Variants in ANAPC10 observed in about 807,000 individuals in gnomAD.
The protein encoded by ANAPC10 is anaphase-promoting complex subunit 10.
ANAPC10 carries 12 observed loss-of-function variants against 22.0 expected under a neutral mutation model. The ratio of observed to expected loss-of-function variants is 0.55; its 90% CI spans 0.35 to 0.88. ANAPC10 has a LOEUF of 0.88. Among genes scored for constraint, ANAPC10 ranks in the 40% least tolerant of loss-of-function variants. The pLI, the probability that ANAPC10 is intolerant of heterozygous loss-of-function variation, is 0.01. For missense variants in ANAPC10, 188 were observed against 220.9 expected (o/e 0.85, Z 0.94); for synonymous variants, 65 against 69.5 (o/e 0.94, Z 0.32).
chr4:145,094,255 C>A (rs1748148417), intron 2 of ANAPC10, among the ~76,000 whole-genome samples: 1 of 152,108 alleles, frequency 6.6e-6, no homozygotes, highest in African/African-American at 2.4e-5. Context: ...AAGCTACATA[C>A]AGTATTTATA....
At chr4:145,010,704 TAGGA>T (rs1327108295) in intron 4 of ANAPC10, among the ~76,000 whole-genome samples, 12 of 151,842 alleles carry the variant, frequency 7.9e-5, no homozygotes, top group Non-Finnish European at 1.5e-5. Flanking sequence ...GGGATAGCAT[TAGGA>T]GATATACCTA....
intron 4 of ANAPC10, among the ~76,000 whole-genome samples, chr4:144,998,399 A>G (rs1282443428): frequency 6.6e-6 from 1 of 152,102 alleles, no homozygotes; most frequent in Non-Finnish European, 1.5e-5. Flanking sequence ...CCACAGTGCA[A>G]TCAAATTCAC....
intron 4 of ANAPC10, chr4:145,035,455 G>A (rs1389099564): frequency 6.6e-6 from 1 of 152,128 alleles, no homozygotes; most frequent in Non-Finnish European, 1.5e-5. Context: ...CATATACATT[G>A]TCATTATCTA....
At chr4:145,059,851 TAAAAAAA>T (rs34293470) in intron 4 of ANAPC10, among the ~76,000 whole-genome samples, 23 of 149,468 alleles carry the variant, frequency 1.5e-4, no homozygotes. Flanking sequence ...CTCTAAATGA[TAAAAAAA>T]AAATCTCACA....
chr4:145,052,163 T>A (rs1269531936), intron 4 of ANAPC10, among the ~76,000 whole-genome samples: 1 of 152,092 alleles, frequency 6.6e-6, no homozygotes. Context: ...CGGTGAGGCA[T>A]AAGAAATAAG....
intron 1 of ANAPC10, chr4:145,097,659 G>C: frequency 1.6e-6 from 1 of 610,484 alleles, no homozygotes; most frequent in Non-Finnish European, 2.7e-6. Context: ...CAGATGAATA[G>C]GTTCAGTTAT....
At chr4:145,000,811 T>C (rs921470823) in intron 4 of ANAPC10, among the ~76,000 whole-genome samples, 12 of 152,174 alleles carry the variant, frequency 7.9e-5, no homozygotes, top group African/African-American at 2.9e-4. Context: ...CCATCAGTGA[T>C]AGACTGGATT....
chr4:145,051,924 A>G (rs1741161097), intron 4 of ANAPC10, among the ~76,000 whole-genome samples: 1 of 152,170 alleles, frequency 6.6e-6, no homozygotes, highest in Non-Finnish European at 1.5e-5. Flanking sequence ...AGGATTTCAC[A>G]TAGTCTGATT....
chr4:145,006,654 T>C (rs1028575066), intron 4 of ANAPC10, among the ~76,000 whole-genome samples: 1 of 152,166 alleles, frequency 6.6e-6, no homozygotes, highest in African/African-American at 2.4e-5. Context: ...TATTTCTGTA[T>C]AATTGTTATA....
chr4:145,097,599 G>T, intron 1 of ANAPC10: 4 of 1,204,482 alleles, frequency 3.3e-6, no homozygotes, highest in South Asian at 1.3e-5. Context: ...GTAAACTTTG[G>T]CAAGGCCTGA....
intron 3 of ANAPC10, among the ~76,000 whole-genome samples, chr4:145,073,851 T>TA (rs763021506): frequency 9.9e-5 from 15 of 152,126 alleles, no homozygotes; most frequent in East Asian, 5.8e-4. Context: ...ATTACCATGA[T>TA]AAAAATAGCA....
intron 4 of ANAPC10, among the ~76,000 whole-genome samples, chr4:145,062,411 A>G (rs991648245): frequency 6.6e-6 from 1 of 151,786 alleles, no homozygotes; most frequent in African/African-American, 2.4e-5. Context: ...TTCGAGACCA[A>G]CCTGGCCAAA....
At chr4:145,034,469 C>A (rs924934664) in intron 4 of ANAPC10, among the ~76,000 whole-genome samples, 1 of 148,614 alleles carries the variant, frequency 6.7e-6, no homozygotes, top group African/African-American at 2.5e-5. Flanking sequence ...AGCTTGCAGA[C>A]AGCCTATTGT....
intron 4 of ANAPC10, chr4:145,053,621 A>C: frequency 2.3e-6 from 1 of 429,272 alleles, no homozygotes; most frequent in Non-Finnish European, 4.1e-6. Context: ...ATATCTACAA[A>C]TCCTTGTAGG....
At chr4:145,007,871 A>G (rs1399528330) in intron 4 of ANAPC10, among the ~76,000 whole-genome samples, 1 of 87,288 alleles carries the variant, frequency 1.1e-5, no homozygotes, top group Non-Finnish European at 2.0e-5. Context: ...AACCCTTCAA[A>G]AAAAAAAAAA....
chr4:145,026,329 CAA>C (rs1736651397), intron 4 of ANAPC10, among the ~76,000 whole-genome samples: 1 of 152,064 alleles, frequency 6.6e-6, no homozygotes, highest in African/African-American at 2.4e-5. Flanking sequence ...AGAACAACAA[CAA>C]AATCCCTGTT....
chr4:145,073,140 T>C (rs1744718424), intron 3 of ANAPC10, among the ~76,000 whole-genome samples: 1 of 152,198 alleles, frequency 6.6e-6, no homozygotes, highest in Non-Finnish European at 1.5e-5. Flanking sequence ...ACAATCCTCC[T>C]ACCTCAGCCT....
intron 3 of ANAPC10, among the ~76,000 whole-genome samples, chr4:145,072,334 AC>A (rs957402429): frequency 2.0e-5 from 3 of 152,188 alleles, no homozygotes; most frequent in Non-Finnish European, 4.4e-5. Context: ...ATATATGTTC[AC>A]CTTAACAGAT....
intron 3 of ANAPC10, among the ~76,000 whole-genome samples, chr4:145,075,714 T>G (rs1490762807): frequency 6.6e-6 from 1 of 152,118 alleles, no homozygotes; most frequent in Admixed American, 6.5e-5. Flanking sequence ...TCTCCAGAAT[T>G]CTAGTGGCAG....
Sources: gnomAD v4.1 joint callset for allele counts (sites outside exome capture counted in the v4.1 genomes callset) on GRCh38, gnomAD v4.1.1 for gene constraint, MANE v1.5 for transcripts, NCBI Gene and HGNC (gene_info 2026-07-23, HGNC 2026-07-21) for gene names.